Variants in MACF1 observed in about 807,000 individuals in gnomAD.
MACF1 encodes microtubule-actin cross-linking factor 1.
Under a neutral mutation model 854.8 loss-of-function variants are expected in MACF1, and 193 were observed. That is an observed-to-expected ratio of 0.23 (90% CI 0.20 to 0.25). MACF1 has a LOEUF of 0.25. Among genes scored for constraint, MACF1 ranks in the 10% least tolerant of loss-of-function variants. The pLI, the probability that MACF1 is intolerant of heterozygous loss-of-function variation, is 1.00. For synonymous variants in MACF1, 3,185 were observed against 3,226.7 expected, an observed-to-expected ratio of 0.99 and a Z score of 0.44; for missense variants, 7,722 against 8,929.1, an observed-to-expected ratio of 0.86 and a Z score of 5.45.
At chr1:39,337,375 A>G (rs746545111) in intron 38 of MACF1, 44 bp downstream of exon 38, 2 of 1,598,408 alleles carry the variant, frequency 1.3e-6, no homozygotes, top group African/African-American at 2.7e-5. Flanking sequence ...GCTTCAAGAT[A>G]GCTGCCTCCA....
At chr1:39,379,478 A>G in intron 54 of MACF1, 34 bp downstream of exon 54, 5 of 1,582,134 alleles carry the variant, frequency 3.2e-6, no homozygotes, top group Non-Finnish European at 4.3e-6. Flanking sequence ...TCCCAACACC[A>G]AGAGGAAGAG....
rs767852674 is a variant in MACF1, at chr1:39,205,100, A to G, written c.78A>G (p.Leu26=). Residue 26 remains leucine, a synonymous_variant, in exon 1 of 101, where the codon CTA becomes CTG. Transcript: ENST00000564288. The part of the protein sequence containing the change: ...LTHVLGVAGV[L]YWKRHARGRA... ...ACGTTCTTGGAGTTGCTGGTGTTCT[A>G]TACTGGAAGAGGCATGCCAGAGGTA... 1.0e-5 allele frequency: 7 copies of G among 702,878 alleles called. No homozygotes were observed. The highest frequency in any genetic ancestry group is 1.7e-5 in the African/African-American group (1 of 57,242). The allele number at this position is 702,878 out of a possible 1,614,324, so 43.5% of individuals were successfully genotyped here.
At chr1:39,480,658 A>T (rs796729) in intron 98 of MACF1, among the ~76,000 whole-genome samples, 141,920 of 151,586 alleles carry the variant, frequency 0.94, 66,479 homozygotes, top group East Asian at 1. Flanking sequence ...AAAAAAAAAA[A>T]TAAGGAAAAA....
chr1:39,191,362 A>G (rs1465570496), intron 2 of MACF1, among the ~76,000 whole-genome samples: 1 of 152,156 alleles, frequency 6.6e-6, no homozygotes, highest in East Asian at 1.9e-4. Context: ...TCACTTACCT[A>G]GCTCTTGGCA....
chr1:39,098,745 G>A (rs1286793545), intron 2 of MACF1, among the ~76,000 whole-genome samples: 1 of 152,238 alleles, frequency 6.6e-6, no homozygotes, highest in Non-Finnish European at 1.5e-5. Context: ...ATGGTGATGG[G>A]CTGCTGGTGG....
intron 2 of MACF1, among the ~76,000 whole-genome samples, chr1:39,188,843 A>C (rs1478529066): frequency 6.6e-6 from 1 of 152,028 alleles, no homozygotes; most frequent in Non-Finnish European, 1.5e-5. Context: ...AGCTCAGGTG[A>C]TCCACCTGTT....
At position 39,335,872 on chromosome 1, in the gene MACF1, G is replaced by A. The variant is rs534606541; in HGVS notation, c.9284G>A (p.Cys3095Tyr). Residue 3095 changes from cysteine (C) to tyrosine (Y), a missense_variant, in exon 37 of 101, where the codon TGT becomes TAT. Physicochemically the swap from Cys to Tyr is radical, Grantham distance 194. This residue lies in a region of MACF1 where 854 missense variants were observed against 852.6 expected (regional missense o/e 1.00). Coordinates refer to ENST00000564288, the MANE Select transcript of MACF1 (RefSeq NM_001394062.1). ...GAAAACTTATCTCGAGAAATTGCCT[G>A]TGGGGCCCAGAGTGAACCATTCCCT... ...PEENLSREIACGAQSEPFPCM... is the reference protein window; with the variant it reads ...PEENLSREIAYGAQSEPFPCM... 1 of 1,614,072 alleles carries A rather than the reference G, an allele frequency of 6.2e-7. No homozygotes were observed. Among genetic ancestry groups the A allele is most frequent in the South Asian group, 1.1e-5 (1 of 91,066 alleles).
chr1:39,371,882 C>T (rs1557615412), intron 51 of MACF1, among the ~76,000 whole-genome samples: 2 of 150,652 alleles, frequency 1.3e-5, no homozygotes. Context: ...GGCATGATCT[C>T]GGCTCACTGC....
chr1:39,233,812 G>A (rs879559335), intron 2 of MACF1, among the ~76,000 whole-genome samples: 2 of 27,862 alleles, frequency 7.2e-5, no homozygotes, highest in Non-Finnish European at 9.3e-5. Flanking sequence ...ATTTTTTATT[G>A]ATAATTCTTG....
At chr1:39,301,250 C>T (rs1014126425) in intron 22 of MACF1, among the ~76,000 whole-genome samples, 6 of 151,852 alleles carry the variant, frequency 4.0e-5, no homozygotes, top group African/African-American at 1.5e-4. Flanking sequence ...CCTCAGCCTC[C>T]CAAGTAGCGG....
upstream of MACF1, among the ~76,000 whole-genome samples, chr1:39,201,415 C>T (rs1011493858): frequency 2.0e-5 from 3 of 151,858 alleles, no homozygotes; most frequent in Non-Finnish European, 4.4e-5. Context: ...TGGAGTGGCG[C>T]GATTTTGGCT....
Position 39,105,669 on chromosome 1 carries a change from G to A in MACF1, c.220+21231G>A. 1 of 1,237,304 alleles carries A rather than the reference G, an allele frequency of 8.1e-7. No homozygotes were observed. The highest frequency in any genetic ancestry group is 1.0e-6 in the Non-Finnish European group (1 of 963,096). The allele number at this position is 1,237,304 out of a possible 1,614,324, so 76.6% of individuals were successfully genotyped here. A position where few individuals can be genotyped will look rare whatever the true frequency, so the allele number is the denominator to read the frequency against. ...TCAGCAGCCGGCCAACCGCAGCCAG[G>A]AGAAGGAGTTCGTGCAGGCGTACGA... On this transcript the variant is annotated intron_variant, in intron 2 of 93. Coordinates refer to the MACF1 transcript ENST00000361689. This position sits in a 1 kb window ranked among gnomAD's most constrained non-coding sequence, Gnocchi z 5.9.
intron 97 of MACF1, among the ~76,000 whole-genome samples, chr1:39,473,215 G>A (rs1362616195): frequency 6.6e-6 from 1 of 152,120 alleles, no homozygotes; most frequent in Non-Finnish European, 1.5e-5. Context: ...ACACCCTTTG[G>A]GCCCTCAGCA....
intron 58 of MACF1, chr1:39,413,207 T>G: frequency 6.2e-7 from 1 of 1,613,430 alleles, no homozygotes; most frequent in Non-Finnish European, 8.5e-7. Context: ...GCTACCACAG[T>G]GCATGCTCCA....
In MACF1 at chr1:39,161,558, A is replaced by G. The variant is rs11810756; in HGVS notation, c.221-69624A>G. ...TGTCTCTAAAAACAAGCAAACAAACAAAAAAACAATACAAAAACTAGCCGG... is the reference window on the plus strand; with the variant it reads ...TGTCTCTAAAAACAAGCAAACAAACGAAAAAACAATACAAAAACTAGCCGG... On this transcript the variant is annotated intron_variant, in intron 2 of 93. Coordinates refer to the MACF1 transcript ENST00000361689. Among the ~76,000 whole-genome samples, 1,397 of 152,078 alleles carry G rather than the reference A, an allele frequency of 9.2e-3. 25 individuals carry two copies. Among genetic ancestry groups the G allele is most frequent in the African/African-American group, 0.032 (1,325 of 41,486 alleles).
chr1:39,473,965 A>G (rs1042480839), intron 97 of MACF1, among the ~76,000 whole-genome samples: 2 of 152,200 alleles, frequency 1.3e-5, no homozygotes, highest in South Asian at 2.1e-4. Context: ...GGAAAAGGAC[A>G]TAATTGGGCT....
intron 58 of MACF1, chr1:39,412,179 A>G: frequency 6.2e-7 from 1 of 1,613,978 alleles, no homozygotes; most frequent in Non-Finnish European, 8.5e-7. Flanking sequence ...ACTGCAGTCA[A>G]ACTGAGGGGA....
intron 2 of MACF1, among the ~76,000 whole-genome samples, chr1:39,170,597 T>TA (rs1247305492): frequency 1.3e-5 from 2 of 152,222 alleles, no homozygotes; most frequent in Admixed American, 6.5e-5. Flanking sequence ...GAAAATAAGA[T>TA]ATCAGTGAAA....
At chr1:39,343,152 G>A (rs1646973270) in intron 40 of MACF1, among the ~76,000 whole-genome samples, 1 of 152,032 alleles carries the variant, frequency 6.6e-6, no homozygotes, top group African/African-American at 2.4e-5. Flanking sequence ...CCCCAATATT[G>A]TTCTCTTTTT....
Sources: gnomAD v4.1 joint callset for allele counts (sites outside exome capture counted in the v4.1 genomes callset) on GRCh38, gnomAD v4.1.1 for gene constraint, gnomAD v4.1.1 regional missense constraint, Gnocchi (gnomAD v3.1) non-coding constraint, MANE v1.5 for transcripts, NCBI Gene and HGNC (gene_info 2026-07-23, HGNC 2026-07-21) for gene names.